PLXDC2: variants seen among roughly 807,000 people sequenced by gnomAD.
The protein encoded by PLXDC2 is plexin domain containing 2.
PLXDC2 carries 40 observed loss-of-function variants against 68.9 expected under a neutral mutation model. The observed-to-expected ratio is 0.58, with a 90% CI of 0.45 to 0.76. The LOEUF (loss-of-function observed/expected upper bound fraction) is 0.76, where lower values mean the gene tolerates loss of function less well. PLXDC2 is among the 30% of genes least tolerant of loss of function. The probability of loss-of-function intolerance (pLI) is 0.00; values close to 1 mark genes in which losing one functional copy is unlikely to be tolerated. For synonymous variants in PLXDC2, 243 were observed against 234.2 expected (o/e 1.04, Z -0.34); for missense variants, 644 against 661.9 (o/e 0.97, Z 0.30).
intron 12 of PLXDC2, among the ~76,000 whole-genome samples, chr10:20,239,627 A>C (rs1170134267): frequency 6.6e-6 from 1 of 152,100 alleles, no homozygotes; most frequent in African/African-American, 2.4e-5. Context: ...CTCTCTCAAC[A>C]CGTGGGGATT....
chr10:19,977,711 C>A (rs1192751231), intron 1 of PLXDC2, among the ~76,000 whole-genome samples: 1 of 152,062 alleles, frequency 6.6e-6, no homozygotes, highest in Non-Finnish European at 1.5e-5. Flanking sequence ...CAGATGGCTG[C>A]CTTCTTGCTG....
At chr10:20,044,806 A>G (rs762354848) in intron 2 of PLXDC2, among the ~76,000 whole-genome samples, 19 of 152,168 alleles carry the variant, frequency 1.2e-4, no homozygotes, top group Non-Finnish European at 1.8e-4. Flanking sequence ...CATGCATGCC[A>G]CCAACCACTG....
At chr10:19,965,333 C>T (rs1246102444) in intron 1 of PLXDC2, among the ~76,000 whole-genome samples, 1 of 152,132 alleles carries the variant, frequency 6.6e-6, no homozygotes. Context: ...AAGTCTTATC[C>T]TGGATAATTT....
chr10:20,091,450 T>C (rs1485647062), intron 4 of PLXDC2, among the ~76,000 whole-genome samples: 1 of 152,188 alleles, frequency 6.6e-6, no homozygotes, highest in Non-Finnish European at 1.5e-5. Context: ...CTCCACTACA[T>C]AGCTCATATA....
chr10:20,194,763 T>C (rs1786352047), intron 9 of PLXDC2, among the ~76,000 whole-genome samples: 1 of 150,288 alleles, frequency 6.7e-6, no homozygotes, highest in South Asian at 2.1e-4. Flanking sequence ...ATTAGGTATA[T>C]CTCCTAATGC....
chr10:20,024,565 G>A (rs1564660465), intron 2 of PLXDC2, among the ~76,000 whole-genome samples: 1 of 151,902 alleles, frequency 6.6e-6, no homozygotes, highest in Non-Finnish European at 1.5e-5. Flanking sequence ...GATAACTTTT[G>A]TTCTTGTTTT....
rs575387476 is a variant in PLXDC2 at position 20,044,599 on chromosome 10, C to T, written c.325-2270C>T. On this transcript the variant is annotated intron_variant, in intron 2 of 13. Coordinates refer to ENST00000377252, the MANE Select transcript of PLXDC2 (RefSeq NM_032812.9). ...TGTTGTGATTACAGGCATGAGCCACCGCGTCCAGCCTGCAATTCTTTCTTT... is the reference window on the plus strand; with the variant it reads ...TGTTGTGATTACAGGCATGAGCCACTGCGTCCAGCCTGCAATTCTTTCTTT... Among the ~76,000 whole-genome samples, 52 of 152,004 alleles carry T rather than the reference C, an allele frequency of 3.4e-4. 1 individual carries two copies. In the South Asian group the frequency reaches 9.8e-3, roughly 29 times the overall value.
At position 20,217,499 on chromosome 10, in the gene PLXDC2, C is replaced by G. The variant is rs762185962; in HGVS notation, c.1196C>G (p.Thr399Arg). 3.1e-6 allele frequency: 5 copies of G among 1,611,656 alleles called. No homozygotes were observed. The highest frequency in any genetic ancestry group is 4.2e-6 in the Non-Finnish European group (5 of 1,178,798). Residue 399 changes from threonine to arginine, a missense_variant, in exon 11 of 14, where the codon ACA becomes AGA. By Grantham distance (71) the Thr-to-Arg change is moderately conservative. Coordinates refer to ENST00000377252, the MANE Select transcript of PLXDC2 (RefSeq NM_032812.9). ...SSRTTTTVGA[T>R]TTQFRVLTTT... The stretch of plus-strand genomic sequence containing the variant: ...CGAACCACCACAACCGTAGGAGCGA[C>G]AACCACCCAGTTCAGGGTCCTAACT...
At chr10:19,938,153 A>C (rs943554385) in intron 1 of PLXDC2, among the ~76,000 whole-genome samples, 1 of 152,164 alleles carries the variant, frequency 6.6e-6, no homozygotes, top group African/African-American at 2.4e-5. Flanking sequence ...TTACCTTGGC[A>C]TAATTTGCAT....
rs1192315538 is a variant in PLXDC2, at chr10:19,837,407, A to AGTGT, written c.112+20217_112+20218insTGTG. 4.7e-3 allele frequency among the ~76,000 whole-genome samples: 412 copies of AGTGT among 87,594 alleles called. 3 individuals are homozygous for AGTGT. The highest frequency in any genetic ancestry group is 0.016 in the African/African-American group (387 of 23,548). 57.5% of individuals were successfully genotyped at this position (87,594 alleles called of 152,430 possible). A position where few individuals can be genotyped will look rare whatever the true frequency, so the allele number is the denominator to read the frequency against. ...AAGTGAGAGAGAGAGAGAGAGAGAG[A>AGTGT]GAGTGTGTGTGTGTGTGTGTGTGTG... is the stretch of plus-strand genomic sequence containing the variant. On this transcript the variant is annotated intron_variant, in intron 1 of 13. Coordinates refer to ENST00000377252, the MANE Select transcript of PLXDC2 (RefSeq NM_032812.9).
At chr10:20,243,822 G>T (rs1435221178) in intron 12 of PLXDC2, among the ~76,000 whole-genome samples, 1 of 152,192 alleles carries the variant, frequency 6.6e-6, no homozygotes, top group Non-Finnish European at 1.5e-5. Context: ...ACTTTGGGAG[G>T]CCGAGGTGGG....
chr10:19,850,978 C>G lies in PLXDC2; in HGVS notation c.112+33787C>G, dbSNP rs574568485. Among the ~76,000 whole-genome samples the G allele has an allele frequency of 2.4e-4, 37 of 152,108 alleles. No homozygotes were observed. The South Asian group carries it at 7.5e-3, about 31-fold the overall frequency. ...ATGCCAAGCATTCAGGTATGTAACC[C>G]CAGAAGATTTAAGGAATCACAAGAC... On this transcript the variant is annotated intron_variant, in intron 1 of 13. Coordinates refer to ENST00000377252, the MANE Select transcript of PLXDC2 (RefSeq NM_032812.9).
At chr10:20,253,950 T>G (rs1835710921) in intron 13 of PLXDC2, among the ~76,000 whole-genome samples, 1 of 152,150 alleles carries the variant, frequency 6.6e-6, no homozygotes. Context: ...TCCTGAAACC[T>G]GAGTGGGCAG....
intron 6 of PLXDC2, among the ~76,000 whole-genome samples, chr10:20,151,665 C>G (rs191647357): frequency 6.6e-6 from 1 of 152,054 alleles, no homozygotes. Context: ...AACAATCTTG[C>G]TTATTAGACT....
At chr10:19,927,821 A>G (rs752198219) in intron 1 of PLXDC2, among the ~76,000 whole-genome samples, 87 of 140,768 alleles carry the variant, frequency 6.2e-4, no homozygotes, top group Non-Finnish European at 1.2e-3. Context: ...TACATTTTTT[A>G]TTTCAATAGC....
intron 3 of PLXDC2, among the ~76,000 whole-genome samples, chr10:20,067,914 C>G (rs940958869): frequency 1.3e-5 from 2 of 151,784 alleles, no homozygotes; most frequent in African/African-American, 4.9e-5. Flanking sequence ...TGCTCATCAT[C>G]AAGAATGAAC....
chr10:19,883,775 C>G (rs1837783467), intron 1 of PLXDC2, among the ~76,000 whole-genome samples: 1 of 151,442 alleles, frequency 6.6e-6, no homozygotes, highest in Non-Finnish European at 1.5e-5. Flanking sequence ...TTCTATGTGC[C>G]TTTCAGTCGT....
chr10:20,009,693 A>G (rs376911247), intron 2 of PLXDC2, among the ~76,000 whole-genome samples: 2 of 150,450 alleles, frequency 1.3e-5, no homozygotes, highest in South Asian at 2.1e-4. Flanking sequence ...ATCTGAACCA[A>G]GTCACGAAGA....
At chr10:20,150,275 A>G (rs938684161) in intron 6 of PLXDC2, among the ~76,000 whole-genome samples, 3 of 152,180 alleles carry the variant, frequency 2.0e-5, no homozygotes, top group African/African-American at 7.2e-5. Flanking sequence ...TTTTGGGGAA[A>G]TAGGTGGTGT....
Sources: allele counts gnomAD v4.1 joint callset (sites outside exome capture counted in the v4.1 genomes callset), GRCh38; gene constraint gnomAD v4.1.1; transcripts MANE v1.5; gene names NCBI Gene and HGNC (gene_info 2026-07-23, HGNC 2026-07-21).